Variants in NXPE2 observed in about 807,000 individuals in gnomAD.
The protein encoded by NXPE2 is neurexophilin and PC-esterase domain family member 2.
In NXPE2, 34 loss-of-function variants were observed where a neutral mutation model predicts 34.4. The observed-to-expected ratio is 0.99, with a 90% CI of 0.75 to 1.31. The LOEUF (loss-of-function observed/expected upper bound fraction) is 1.31. Ranked by LOEUF, NXPE2 falls within the 40% of genes most tolerant of loss-of-function variation. The pLI, the probability that NXPE2 is intolerant of heterozygous loss-of-function variation, is 0.00. For synonymous variants in NXPE2, 235 were observed against 231.3 expected, an observed-to-expected ratio of 1.02 and a Z score of -0.15; for missense variants, 649 against 672.5, an observed-to-expected ratio of 0.97 and a Z score of 0.39.
At chr11:114,745,961 T>C in the NXPE2 span, among the ~76,000 whole-genome samples, 1 of 152,132 alleles carries the variant, frequency 6.6e-6, no homozygotes, top group African/African-American at 2.4e-5. Flanking sequence ...GATAAAATTG[T>C]AATACTCATA....
chr11:114,569,261 C>T, the NXPE2 span, among the ~76,000 whole-genome samples: 3 of 152,152 alleles, frequency 2.0e-5, no homozygotes, highest in African/African-American at 7.2e-5. Flanking sequence ...CTCTATTCAA[C>T]TGAAATTCTC....
At chr11:114,677,371 A>G (rs1216389165), upstream of NXPE2, among the ~76,000 whole-genome samples, 1 of 152,140 alleles carries the variant, frequency 6.6e-6, no homozygotes, top group Non-Finnish European at 1.5e-5. Context: ...ACATCAAAAC[A>G]TCACATTATA....
At chr11:114,538,300 A>G in the NXPE2 span, among the ~76,000 whole-genome samples, 55 of 152,364 alleles carry the variant, frequency 3.6e-4, no homozygotes, top group Middle Eastern at 0.01. Context: ...AAAGACTTAC[A>G]TGTTTGACCT....
chr11:114,657,008 G>A, the NXPE2 span, among the ~76,000 whole-genome samples: 1 of 152,094 alleles, frequency 6.6e-6, no homozygotes, highest in Non-Finnish European at 1.5e-5. Context: ...GCAGGAGAAT[G>A]GCATGAACCT....
the NXPE2 span, among the ~76,000 whole-genome samples, chr11:114,500,058 A>G: frequency 6.6e-6 from 1 of 151,244 alleles, no homozygotes; most frequent in Admixed American, 6.6e-5. Context: ...TTTTTTGGCT[A>G]TTATGCATAA....
intron 2 of NXPE2, among the ~76,000 whole-genome samples, chr11:114,686,005 G>A (rs1951039122): frequency 6.6e-6 from 1 of 151,910 alleles, no homozygotes; most frequent in African/African-American, 2.4e-5. Flanking sequence ...GACTATATCA[G>A]TTTCAATATG....
the NXPE2 span, among the ~76,000 whole-genome samples, chr11:114,491,765 T>C: frequency 9.2e-5 from 14 of 152,058 alleles, no homozygotes; most frequent in African/African-American, 3.1e-4. Flanking sequence ...AACCCAAATG[T>C]CCAACAATGA....
chr11:114,539,581 T>A, the NXPE2 span, among the ~76,000 whole-genome samples: 6 of 152,314 alleles, frequency 3.9e-5, no homozygotes, highest in Admixed American at 6.5e-5. Flanking sequence ...AAGTTGTTAA[T>A]TCTCTCTCAA....
chr11:114,722,305 C>T, the NXPE2 span, among the ~76,000 whole-genome samples: 1 of 152,158 alleles, frequency 6.6e-6, no homozygotes, highest in Non-Finnish European at 1.5e-5. Flanking sequence ...TTCCCCTTCT[C>T]ACTCTCTCTT....
chr11:114,607,686 G>T, the NXPE2 span, among the ~76,000 whole-genome samples: 6 of 151,750 alleles, frequency 4.0e-5, no homozygotes, highest in African/African-American at 1.5e-4. Flanking sequence ...TGAGTTGCGG[G>T]TAACCACTGT....
At chr11:114,774,396 A>G in the NXPE2 span, among the ~76,000 whole-genome samples, 34 of 152,212 alleles carry the variant, frequency 2.2e-4, no homozygotes, top group Non-Finnish European at 4.6e-4. Context: ...TTGTGATTTC[A>G]GTGGAGAATC....
At chr11:114,522,165 T>C in the NXPE2 span, 2 of 1,614,044 alleles carry the variant, frequency 1.2e-6, no homozygotes, top group Non-Finnish European at 1.7e-6. Context: ...TCTATGTGCA[T>C]CTCCCTGATG....
the NXPE2 span, among the ~76,000 whole-genome samples, chr11:114,531,289 CTCTT>C: frequency 6.6e-6 from 1 of 152,174 alleles, no homozygotes; most frequent in South Asian, 2.1e-4. Flanking sequence ...GATAAGTTTA[CTCTT>C]TCTTTTCATA....
At chr11:114,790,756 C>T in the NXPE2 span, among the ~76,000 whole-genome samples, 2 of 151,920 alleles carry the variant, frequency 1.3e-5, no homozygotes, top group East Asian at 3.9e-4. Context: ...TCATCATCCT[C>T]TATGAGGAAT....
At chr11:114,538,317 A>G in the NXPE2 span, among the ~76,000 whole-genome samples, 1 of 152,248 alleles carries the variant, frequency 6.6e-6, no homozygotes, top group Admixed American at 6.5e-5. Context: ...ACCTAAAACC[A>G]TAAAAACCCT....
the NXPE2 span, among the ~76,000 whole-genome samples, chr11:114,738,555 G>T: frequency 6.6e-6 from 1 of 152,164 alleles, no homozygotes; most frequent in African/African-American, 2.4e-5. Flanking sequence ...CAGGCCTGGA[G>T]CTTTCCTTTC....
the NXPE2 span, among the ~76,000 whole-genome samples, chr11:114,638,086 C>T: frequency 1.1e-4 from 17 of 151,522 alleles, no homozygotes; most frequent in Admixed American, 1.3e-4. Flanking sequence ...TTCACCCCGT[C>T]ACTTTCAGGT....
the NXPE2 span, among the ~76,000 whole-genome samples, chr11:114,625,989 A>G: frequency 6.6e-6 from 1 of 152,136 alleles, no homozygotes; most frequent in Admixed American, 6.5e-5. Context: ...ACGGCGCACC[A>G]GGAGATTATA....
At chr11:114,772,971 T>C in the NXPE2 span, among the ~76,000 whole-genome samples, 1 of 152,168 alleles carries the variant, frequency 6.6e-6, no homozygotes, top group Non-Finnish European at 1.5e-5. Context: ...CATGAAAATA[T>C]TCTTTTCAGC....
Sources: gnomAD v4.1 joint callset for allele counts (sites outside exome capture counted in the v4.1 genomes callset) on GRCh38, gnomAD v4.1.1 for gene constraint, MANE v1.5 for transcripts, NCBI Gene and HGNC (gene_info 2026-07-23, HGNC 2026-07-21) for gene names.